AHNAK2: variants seen among roughly 807,000 people sequenced by gnomAD.
AHNAK2 encodes the protein protein AHNAK2.
AHNAK2 carries 18 observed loss-of-function variants against 30.7 expected under a neutral mutation model. The observed-to-expected ratio is 0.59, with a 90% CI of 0.41 to 0.87. The LOEUF is 0.87. Among genes scored for constraint, AHNAK2 ranks in the 40% least tolerant of loss-of-function variants. AHNAK2 has a pLI of 0.00. For missense variants in AHNAK2, 8,604 were observed against 7,373.0 expected, an observed-to-expected ratio of 1.17 and a Z score of -6.11; for synonymous variants, 3,590 against 3,073.8, an observed-to-expected ratio of 1.17 and a Z score of -5.56.
chr14:104,949,792 C>T lies in AHNAK2; in HGVS notation c.5659G>A (p.Val1887Met). 6.3e-7 allele frequency: 1 copy of T among 1,587,384 alleles called. No homozygotes were observed. Among genetic ancestry groups the T allele is most frequent in the Non-Finnish European group, 8.6e-7 (1 of 1,163,144 alleles). Residue 1887 changes from valine to methionine, a missense_variant, in exon 7 of 7, where the codon GTG (valine) becomes ATG (methionine). Physicochemically the swap from Val to Met is conservative, Grantham distance 21 (BLOSUM62 1). Transcript: ENST00000333244. ...TGGCCCTCCGGGAGCTTCATGTCCA[C>T]TTGGCCAGCCTGGACCACCAGGTCT... Reference protein sequence around the residue: ...SADLVVQAGQVDMKLPEGQVP... With the variant: ...SADLVVQAGQMDMKLPEGQVP...
chr14:104,965,959 G>A (rs375406414), intron 1 of AHNAK2, among the ~76,000 whole-genome samples: 1 of 152,162 alleles, frequency 6.6e-6, no homozygotes, highest in Non-Finnish European at 1.5e-5. Context: ...GCACCCCCAG[G>A]GCCATGCCTG....
At position 104,949,749 on chromosome 14, in the gene AHNAK2, C is replaced by T. The variant is rs1391219015; in HGVS notation, c.5702G>A (p.Gly1901Asp). The T allele has an allele frequency of 5.0e-6, 8 of 1,587,692 alleles. 1 individual carries two copies. Among genetic ancestry groups the T allele is most frequent in the African/African-American group, 1.4e-5 (1 of 72,708 alleles). Residue 1901 changes from glycine (G) to aspartate (D), a missense_variant, in exon 7 of 7, where the codon GGC (glycine) becomes GAC (aspartate). Gly to Asp is a moderately conservative substitution (Grantham distance 94). Transcript: ENST00000333244. ...CACCTTGGGCAAGTGCCCTTTGAGG[C>T]CGGCTCCCTCGGGCACCTGGCCCTC... ...LPEGQVPEGA[G>D]LKGHLPKVDM...
chr14:104,970,121 T>G (rs1205289066), intron 1 of AHNAK2, among the ~76,000 whole-genome samples: 1 of 152,034 alleles, frequency 6.6e-6, no homozygotes, highest in Non-Finnish European at 1.5e-5. Flanking sequence ...CCAGGCTCCT[T>G]GGAAACAAGA....
Position 104,947,653 on chromosome 14 carries a change from C to A in AHNAK2, c.7798G>T (p.Ala2600Ser), listed in dbSNP as rs201261247. Residue 2600 changes from alanine to serine, a missense_variant, in exon 7 of 7, where the codon GCG becomes TCG. Transcript: ENST00000333244. ...TCCACATCGGGGGCTGTCACTTCCG[C>A]CTTGGGGCCTTTCAGGTCCAGCTTG... is the stretch of plus-strand genomic sequence containing the variant. Reference protein sequence around the residue: ...GPKLDLKGPKAEVTAPDVEMS... With the variant: ...GPKLDLKGPKSEVTAPDVEMS... The A allele has an allele frequency of 6.2e-7, 1 of 1,612,652 alleles. No individual in the cohort carries two copies. The highest frequency in any genetic ancestry group is 1.1e-5 in the South Asian group (1 of 91,030).
chr14:104,970,035 C>A (rs1419841846), intron 1 of AHNAK2, among the ~76,000 whole-genome samples: 1 of 152,168 alleles, frequency 6.6e-6, no homozygotes, highest in Non-Finnish European at 1.5e-5. Flanking sequence ...CTCCAGGCCC[C>A]ACGCCCACCT....
rs1289255618 is a variant in AHNAK2, at chr14:104,939,158, G to C, written c.16293C>G (p.Leu5431=). The C allele has an allele frequency of 1.9e-6, 3 of 1,612,260 alleles. No homozygotes were observed. Among genetic ancestry groups the C allele is most frequent in the African/African-American group, 1.3e-5 (1 of 74,886 alleles). The change falls in exon 7 of 7, where the codon CTC becomes CTG. Residue 5431 remains leucine, a synonymous_variant. Transcript: ENST00000333244. The part of the protein sequence containing the change: ...DTALCKESPG[L]WGASILKAGA... ...CTGCCTTCAGGATGCTGGCTCCCCA[G>C]AGCCCCGGACTTTCCTTACAAAGGG...
rs556038126 is a variant in AHNAK2, at chr14:104,951,037, C to T, written c.4414G>A (p.Gly1472Ser). ...GACATGTCCTCCTCCAGCCGTCCAC[C>T]ATCCAGCTTGGCTCCTGGGGCCTCG... ...DVEAPGAKLD[G>S]GRLEEDMSLA... Residue 1472 changes from glycine (G) to serine (S), a missense_variant, in exon 7 of 7, where the codon GGT becomes AGT. Transcript: ENST00000333244. The T allele has an allele frequency of 2.5e-4, 264 of 1,063,228 alleles. 94 individuals are homozygous for T. The South Asian group carries it at 2.8e-3, about 11-fold the overall frequency. 65.9% of individuals were successfully genotyped at this position (1,063,228 alleles called of 1,614,324 possible). A position where few individuals can be genotyped will look rare whatever the true frequency, so the allele number is the denominator to read the frequency against.
intron 1 of AHNAK2, among the ~76,000 whole-genome samples, chr14:104,960,003 C>T (rs556775344): frequency 1.4e-3 from 209 of 152,224 alleles, no homozygotes; most frequent in Admixed American, 9.2e-3. Flanking sequence ...ACTCTGCAGC[C>T]ATAGTACAAA....
At position 104,940,749 on chromosome 14, in the gene AHNAK2, C is replaced by T. The variant is rs538273721; in HGVS notation, c.14702G>A (p.Arg4901Lys). The change falls in exon 7 of 7, where the codon AGA becomes AAA. Residue 4901 changes from arginine (R) to lysine (K), a missense_variant. Physicochemically the swap from Arg to Lys is conservative, Grantham distance 26. Coordinates refer to ENST00000333244, the MANE Select transcript of AHNAK2 (RefSeq NM_138420.4). The surrounding 1 kb of genome is among the most constrained non-coding windows in gnomAD (Gnocchi z 4.4). ...PVMSPLSPGERVQCPLPSTQL... is the reference protein window; with the variant it reads ...PVMSPLSPGEKVQCPLPSTQL... ...GGTGCTTGGCAAGGGGCACTGCACT[C>T]TTTCTCCAGGGCTAAGAGGAGACAT... 1.2e-5 allele frequency: 20 copies of T among 1,612,962 alleles called. No individual in the cohort carries two copies. The African/African-American group carries it at 2.5e-4, about 20-fold the overall frequency.
In AHNAK2 at chr14:104,945,125, G is replaced by C. The variant is rs201867414; in HGVS notation, c.10326C>G (p.Asp3442Glu). The change falls in exon 7 of 7, where the codon GAC becomes GAG. Residue 3442 changes from aspartate to glutamate, a missense_variant. By Grantham distance (45) the Asp-to-Glu change is conservative. Transcript: ENST00000333244. ...VEVSLPSVEV[D>E]VQAPRAKLDG... ...CCAGCTTGGCTCTCGGGGCCTGGAC[G>C]TCCACCTCCACGCTGGGCAGAGACA... The C allele has an allele frequency of 4.3e-6, 7 of 1,610,140 alleles. No individual in the cohort carries two copies. In the South Asian group the frequency reaches 6.6e-5, roughly 15 times the overall value.
chr14:104,977,930 T>C (rs1899637337), intron 1 of AHNAK2, among the ~76,000 whole-genome samples: 1 of 143,052 alleles, frequency 7.0e-6, no homozygotes, highest in Non-Finnish European at 1.5e-5. Context: ...AGAAACAAAG[T>C]GAGCGACAGA....
At position 104,941,960 on chromosome 14, in the gene AHNAK2, C is replaced by T. The variant is rs772238020; in HGVS notation, c.13491G>A (p.Met4497Ile). 5 of 1,613,402 alleles carry T rather than the reference C, an allele frequency of 3.1e-6. No homozygotes were observed. The African/African-American group carries it at 5.3e-5, about 17-fold the overall frequency. ...GGTCCCCCTGCATGGAGGGAATGCT[C>T]ATGTCGGCCTCCATCTTTGGCGCAG... is the stretch of plus-strand genomic sequence containing the variant. ...DVSAPKMEAD[M>I]SIPSMQGDLK... The change falls in exon 7 of 7, where the codon ATG (methionine) becomes ATA (isoleucine). Residue 4497 changes from methionine (M) to isoleucine (I), a missense_variant. Physicochemically the swap from Met to Ile is conservative, Grantham distance 10 (BLOSUM62 1). Transcript: ENST00000333244.
chr14:104,958,812 G>A (rs1032936594), intron 1 of AHNAK2, among the ~76,000 whole-genome samples: 1 of 151,958 alleles, frequency 6.6e-6, no homozygotes, highest in Non-Finnish European at 1.5e-5. Flanking sequence ...CAAGAAGCGC[G>A]ACCAGACCTA....
intron 4 of AHNAK2, among the ~76,000 whole-genome samples, chr14:104,955,870 AG>A (rs1898958464): frequency 6.6e-6 from 1 of 152,232 alleles, no homozygotes; most frequent in Admixed American, 6.5e-5. Flanking sequence ...GCCAGGACTT[AG>A]GCACAGCCTG....
rs760940651 is a variant in AHNAK2, at chr14:104,944,907, T to A, written c.10544A>T (p.Asp3515Val). Reference protein sequence around the residue: ...ADVSLSSMQGDLKATDLSIQP... With the variant: ...ADVSLSSMQGVLKATDLSIQP... ...AATGCTGAGGTCAGTGGCCTTGAGG[T>A]CCCCCTGCATGGAGGAGAGGCTCAC... The change falls in exon 7 of 7, where the codon GAC becomes GTC. Residue 3515 changes from aspartate (D) to valine (V), a missense_variant. Transcript: ENST00000333244. 2 of 1,612,424 alleles carry A rather than the reference T, an allele frequency of 1.2e-6. No individual in the cohort carries two copies. The highest frequency in any genetic ancestry group is 8.5e-7 in the Non-Finnish European group (1 of 1,179,480).
In AHNAK2 at chr14:104,967,065, A is replaced by G. The variant is rs76890445; in HGVS notation, c.56-9393T>C. 4.3e-3 allele frequency among the ~76,000 whole-genome samples: 652 copies of G among 152,228 alleles called. 1 individual carries two copies. Among genetic ancestry groups the G allele is most frequent in the African/African-American group, 0.015 (639 of 41,540 alleles). ...CTTGGCCCACAGCTGCTCCCCTGGC[A>G]GCAGGTGCAGCTGGGGTCATGAGTG... On this transcript the variant is annotated intron_variant, in intron 1 of 6. Transcript: ENST00000333244.
chr14:104,951,061 C>T lies in AHNAK2; in HGVS notation c.4390G>A (p.Glu1464Lys), dbSNP rs558434835. 2.9e-4 allele frequency: 307 copies of T among 1,060,454 alleles called. 40 individuals are homozygous for T. In the Middle Eastern group the frequency reaches 6.2e-3, roughly 22 times the overall value. The allele number at this position is 1,060,454 out of a possible 1,614,324, so 65.7% of individuals were successfully genotyped here. A position where few individuals can be genotyped will look rare whatever the true frequency, so the allele number is the denominator to read the frequency against. Residue 1464 changes from glutamate (E) to lysine (K), a missense_variant, in exon 7 of 7, where the codon GAG becomes AAG. Coordinates refer to ENST00000333244, the MANE Select transcript of AHNAK2 (RefSeq NM_138420.4). ...VSLPSVEVDVEAPGAKLDGGR... is the reference protein window; with the variant it reads ...VSLPSVEVDVKAPGAKLDGGR... ...CCATCCAGCTTGGCTCCTGGGGCCT[C>T]GACATCCACCTCCACGCTGGGCAGA...
Position 104,948,473 on chromosome 14 carries a change from C to A in AHNAK2, c.6978G>T (p.Leu2326=), listed in dbSNP as rs10145032. 1 of 1,611,590 alleles carries A rather than the reference C, an allele frequency of 6.2e-7. No individual in the cohort carries two copies. The highest frequency in any genetic ancestry group is 8.5e-7 in the Non-Finnish European group (1 of 1,179,538). The change falls in exon 7 of 7, where the codon CTG becomes CTT. Residue 2326 remains leucine, a synonymous_variant. Coordinates refer to ENST00000333244, the MANE Select transcript of AHNAK2 (RefSeq NM_138420.4). ...SKFKMPKFKM[L]SFGVSALGKS... is the part of the protein sequence containing the mutation. ...TGCCAAGGGCAGACACCCCAAACGA[C>A]AGCATCTTGAACTTGGGCATTTTGA...
intron 1 of AHNAK2, among the ~76,000 whole-genome samples, chr14:104,969,717 G>A (rs924039402): frequency 6.6e-6 from 1 of 152,202 alleles, no homozygotes; most frequent in Non-Finnish European, 1.5e-5. Context: ...TCTGCTCCTG[G>A]AGAAACTGAG....
Sources: allele counts gnomAD v4.1 joint callset (sites outside exome capture counted in the v4.1 genomes callset), GRCh38; gene constraint gnomAD v4.1.1; non-coding constraint Gnocchi (gnomAD v3.1); transcripts MANE v1.5; gene names NCBI Gene and HGNC (gene_info 2026-07-23, HGNC 2026-07-21).